Variants in FBRSL1 observed in about 807,000 individuals in gnomAD.
The protein encoded by FBRSL1 is fibrosin-1-like protein.
A neutral mutation model predicts 89.6 loss-of-function variants in FBRSL1; 51 were observed. The ratio of observed to expected loss-of-function variants is 0.57; its 90% CI spans 0.45 to 0.72. FBRSL1 has a LOEUF of 0.72. Among genes scored for constraint, FBRSL1 ranks in the 30% least tolerant of loss-of-function variants. FBRSL1 has a pLI of 0.00. For synonymous variants in FBRSL1, 779 were observed against 681.1 expected (o/e 1.14, Z -2.24); for missense variants, 1,618 against 1,451.8 (o/e 1.11, Z -1.86).
chr12:132,572,995 G>T (rs923442266), intron 11 of FBRSL1, among the ~76,000 whole-genome samples: 1 of 152,198 alleles, frequency 6.6e-6, no homozygotes. Flanking sequence ...TCCACACTGC[G>T]AGGAGGTTCT....
At chr12:132,534,540 C>G (rs1217089675) in intron 4 of FBRSL1, among the ~76,000 whole-genome samples, 1 of 152,258 alleles carries the variant, frequency 6.6e-6, no homozygotes, top group Non-Finnish European at 1.5e-5. Context: ...CCTCCCTGCC[C>G]CACATGTGCC....
intron 1 of FBRSL1, among the ~76,000 whole-genome samples, chr12:132,500,462 G>A (rs2136422780): frequency 6.6e-6 from 1 of 152,268 alleles, no homozygotes; most frequent in East Asian, 1.9e-4. Flanking sequence ...GGCTCATGGG[G>A]CCGGCCTCTC....
chr12:132,556,819 C>G (rs1007041769), intron 5 of FBRSL1, among the ~76,000 whole-genome samples: 1 of 149,458 alleles, frequency 6.7e-6, no homozygotes. Flanking sequence ...CCACCCACCC[C>G]TGTCCTGTGG....
chr12:132,577,767 A>G (rs1462245150), intron 15 of FBRSL1, among the ~76,000 whole-genome samples: 4 of 152,242 alleles, frequency 2.6e-5, no homozygotes, highest in Non-Finnish European at 1.5e-5. Context: ...CCCCAGGAGG[A>G]AAGTGGGCTC....
intron 2 of FBRSL1, among the ~76,000 whole-genome samples, chr12:132,518,351 A>G (rs973564423): frequency 2.0e-5 from 3 of 149,990 alleles, no homozygotes; most frequent in Non-Finnish European, 3.0e-5. Context: ...CCACGCATTC[A>G]TCATCCACTC....
chr12:132,525,329 G>A (rs2035698885), intron 2 of FBRSL1, among the ~76,000 whole-genome samples: 2 of 152,218 alleles, frequency 1.3e-5, no homozygotes, highest in Admixed American at 6.5e-5. Context: ...CAGCCAGGGT[G>A]TGGGTGGAGG....
chr12:132,574,280 G>A, intron 12 of FBRSL1, 39 bp from the exon 13 acceptor site: 2 of 1,494,216 alleles, frequency 1.3e-6, no homozygotes, highest in Non-Finnish European at 1.8e-6. Context: ...TCAGCCTCCT[G>A]AGGGGCCCGG....
intron 2 of FBRSL1, among the ~76,000 whole-genome samples, chr12:132,522,052 G>A (rs1010559869): frequency 3.3e-5 from 5 of 152,052 alleles, no homozygotes; most frequent in African/African-American, 9.7e-5. Flanking sequence ...TCAGCCTGCC[G>A]GCGCCTGTGG....
intron 4 of FBRSL1, among the ~76,000 whole-genome samples, chr12:132,533,734 C>T (rs1245486096): frequency 6.6e-6 from 1 of 152,270 alleles, no homozygotes; most frequent in Non-Finnish European, 1.5e-5. Context: ...TCAGCACAGC[C>T]TGACTCTGGG....
At position 132,584,413 on chromosome 12, in the gene FBRSL1, T is replaced by TTAATC. The variant is rs552600566; in HGVS notation, c.*638_*642dup. 1.4e-4 allele frequency: 21 copies of TTAATC among 152,378 alleles called. 1 individual carries two copies. In the East Asian group the frequency reaches 2.5e-3, roughly 18 times the overall value. The allele number at this position is 152,378 out of a possible 1,614,324, so 9.4% of individuals were successfully genotyped here. A position where few individuals can be genotyped will look rare whatever the true frequency, so the allele number is the denominator to read the frequency against. On this transcript the variant is annotated 3_prime_UTR_variant, in exon 19 of 19. Transcript: ENST00000680143. ...ATAAATATATGACGTTACTAAATTC[T>TTAATC]TAATCTAGATAGACTTTATAAAAAC...
At chr12:132,564,342 C>T (rs1211250622) in intron 5 of FBRSL1, among the ~76,000 whole-genome samples, 1 of 143,386 alleles carries the variant, frequency 7.0e-6, no homozygotes, top group Non-Finnish European at 1.5e-5. Context: ...TAGTAATCCA[C>T]GTGTTCCAGA....
At chr12:132,507,642 C>T (rs774771369) in intron 1 of FBRSL1, among the ~76,000 whole-genome samples, 13 of 152,132 alleles carry the variant, frequency 8.5e-5, no homozygotes, top group Non-Finnish European at 1.3e-4. Flanking sequence ...TCCACAGACC[C>T]GTCTGGGAGC....
chr12:132,581,012 T>C, intron 15 of FBRSL1: 1 of 985,466 alleles, frequency 1.0e-6, no homozygotes, highest in Non-Finnish European at 1.2e-6. Flanking sequence ...GACAGAACCG[T>C]GTCCATCCAG....
chr12:132,514,315 G>T (rs2034637764), intron 2 of FBRSL1, among the ~76,000 whole-genome samples: 1 of 152,182 alleles, frequency 6.6e-6, no homozygotes, highest in Non-Finnish European at 1.5e-5. Flanking sequence ...AAGTCCAGGG[G>T]GAGTCCTGGG....
intron 1 of FBRSL1, among the ~76,000 whole-genome samples, chr12:132,492,729 G>A (rs957881579): frequency 6.6e-6 from 1 of 152,244 alleles, no homozygotes; most frequent in African/African-American, 2.4e-5. Flanking sequence ...TCAGGTCATA[G>A]TGAGACAAGT....
intron 5 of FBRSL1, among the ~76,000 whole-genome samples, chr12:132,566,792 G>C (rs2039658067): frequency 6.6e-6 from 1 of 151,754 alleles, no homozygotes; most frequent in Non-Finnish European, 1.5e-5. Flanking sequence ...GTGTCCTGTG[G>C]GCTCTGGGCA....
chr12:132,507,935 C>T (rs1401571857), intron 1 of FBRSL1, among the ~76,000 whole-genome samples: 1 of 152,162 alleles, frequency 6.6e-6, no homozygotes. Flanking sequence ...GATGGCTGAG[C>T]CCTGGGAAAC....
At chr12:132,512,294 C>T (rs927634552) in intron 2 of FBRSL1, among the ~76,000 whole-genome samples, 4 of 152,258 alleles carry the variant, frequency 2.6e-5, no homozygotes, top group African/African-American at 9.6e-5. Context: ...GGTGGTTCAG[C>T]TCAGAGTCCT....
In FBRSL1 at chr12:132,584,819, T is replaced by TACACACACACACAC. The variant is rs72443894; in HGVS notation, c.*1061_*1074dup. On this transcript the variant is annotated 3_prime_UTR_variant, in exon 19 of 19. Transcript: ENST00000680143. ...AGTGCAAGAGTCTAAAGGCTGATTT[T>TACACACACACACAC]ACACACACACACACACACACACACA... is the stretch of plus-strand genomic sequence containing the variant. The TACACACACACACAC allele has an allele frequency of 1.1e-3, 110 of 99,552 alleles. No individual in the cohort carries two copies. The highest frequency in any genetic ancestry group is 3.4e-3 in the East Asian group (8 of 2,330). The allele number at this position is 99,552 out of a possible 1,614,324, so 6.2% of individuals were successfully genotyped here.
Sources: gnomAD v4.1 joint callset for allele counts (sites outside exome capture counted in the v4.1 genomes callset) on GRCh38, gnomAD v4.1.1 for gene constraint, MANE v1.5 for transcripts, NCBI Gene and HGNC (gene_info 2026-07-23, HGNC 2026-07-21) for gene names.